CNTN4: variants seen among roughly 807,000 people sequenced by gnomAD.
CNTN4 encodes contactin 4.
CNTN4 carries 77 observed loss-of-function variants against 122.5 expected under a neutral mutation model. That is an observed-to-expected ratio of 0.63 (90% CI 0.52 to 0.76). CNTN4 has a LOEUF of 0.76. Among genes scored for constraint, CNTN4 ranks in the 30% least tolerant of loss-of-function variants. The pLI, the probability that CNTN4 is intolerant of heterozygous loss-of-function variation, is 0.00. For synonymous variants in CNTN4, 512 were observed against 447.0 expected, an observed-to-expected ratio of 1.15 and a Z score of -1.83; for missense variants, 1,256 against 1,259.1, an observed-to-expected ratio of 1.00 and a Z score of 0.04.
chr3:2,146,794 T>C (rs2035265155), intron 2 of CNTN4, among the ~76,000 whole-genome samples: 1 of 152,318 alleles, frequency 6.6e-6, no homozygotes, highest in Middle Eastern at 3.4e-3. Context: ...TCAGGGGAGT[T>C]GTAAAGCCTG....
At chr3:2,731,851 G>A (rs1331598922) in intron 4 of CNTN4, among the ~76,000 whole-genome samples, 4 of 152,176 alleles carry the variant, frequency 2.6e-5, no homozygotes, top group Non-Finnish European at 5.9e-5. Flanking sequence ...ATAACTATAG[G>A]TCAGTGGACT....
At chr3:2,303,943 G>T (rs1056504419) in intron 2 of CNTN4, among the ~76,000 whole-genome samples, 1 of 152,046 alleles carries the variant, frequency 6.6e-6, no homozygotes. Flanking sequence ...TGTCACAATA[G>T]ATTATCACCT....
rs372181330 is a variant in CNTN4 at position 2,466,408 on chromosome 3, G to T, written c.-88-105008G>T. Among the ~76,000 whole-genome samples the T allele has an allele frequency of 1.8e-4, 28 of 152,332 alleles. No individual in the cohort carries two copies. In the South Asian group the frequency reaches 5.2e-3, roughly 28 times the overall value. ...TCTTTCACCAACATCTACAGGAGTT[G>T]TGTAGAATAATAAGATTAGAACCCT... On this transcript the variant is annotated intron_variant, in intron 3 of 24. Transcript: ENST00000418658.
intron 2 of CNTN4, among the ~76,000 whole-genome samples, chr3:2,261,180 G>A (rs1165990694): frequency 6.6e-6 from 1 of 151,826 alleles, no homozygotes; most frequent in Non-Finnish European, 1.5e-5. Context: ...GTAGTTTATT[G>A]CATACTATTC....
At chr3:2,682,958 T>G (rs2085240835) in intron 4 of CNTN4, among the ~76,000 whole-genome samples, 1 of 152,070 alleles carries the variant, frequency 6.6e-6, no homozygotes, top group South Asian at 2.1e-4. Flanking sequence ...ACTCTGAAAC[T>G]GAAGGAGAGA....
At chr3:2,914,493 A>T (rs2094334044) in intron 12 of CNTN4, among the ~76,000 whole-genome samples, 1 of 152,204 alleles carries the variant, frequency 6.6e-6, no homozygotes, top group African/African-American at 2.4e-5. Flanking sequence ...AAGAGTATAA[A>T]GACCACTATA....
At chr3:2,137,462 TA>T (rs1268237725) in intron 2 of CNTN4, among the ~76,000 whole-genome samples, 1 of 152,192 alleles carries the variant, frequency 6.6e-6, no homozygotes, top group African/African-American at 2.4e-5. Context: ...ATGTCTTGTC[TA>T]TATTTTCATT....
At chr3:2,124,433 A>AACACAC (rs60760373) in intron 2 of CNTN4, among the ~76,000 whole-genome samples, 11,039 of 123,758 alleles carry the variant, frequency 0.089, 479 homozygotes, top group Non-Finnish European at 0.11. Context: ...ATTTATTTAA[A>AACACAC]ACACACACAC....
In CNTN4 at chr3:2,228,318, A is replaced by C. The variant is rs571611323; in HGVS notation, c.-144-110860A>C. 1.7e-4 allele frequency among the ~76,000 whole-genome samples: 26 copies of C among 152,226 alleles called. No individual in the cohort carries two copies. The South Asian group carries it at 4.6e-3, about 27-fold the overall frequency. On this transcript the variant is annotated intron_variant, in intron 2 of 24. Coordinates refer to ENST00000418658, the MANE Select transcript of CNTN4 (RefSeq NM_175607.3). The stretch of plus-strand genomic sequence containing the variant: ...AAAATCAAAATAATAATAATATTTC[A>C]TTCACAATAAAATTATATAGCATTT...
chr3:2,815,452 A>G (rs997865304), intron 6 of CNTN4, among the ~76,000 whole-genome samples: 2 of 152,208 alleles, frequency 1.3e-5, no homozygotes, highest in Non-Finnish European at 2.9e-5. Context: ...GACAGTTCTC[A>G]AAAGAGGATA....
chr3:2,689,563 C>T (rs2085616496), intron 4 of CNTN4, among the ~76,000 whole-genome samples: 1 of 152,104 alleles, frequency 6.6e-6, no homozygotes, highest in African/African-American at 2.4e-5. Flanking sequence ...GACCTTTTAC[C>T]ATTCCTTACA....
At chr3:2,606,274 C>T (rs1029058510) in intron 4 of CNTN4, among the ~76,000 whole-genome samples, 2 of 151,972 alleles carry the variant, frequency 1.3e-5, no homozygotes, top group African/African-American at 4.8e-5. Context: ...AAACGGAGAA[C>T]AATATAACCT....
chr3:2,230,918 G>A (rs530955631), intron 2 of CNTN4, among the ~76,000 whole-genome samples: 19 of 152,162 alleles, frequency 1.2e-4, no homozygotes, highest in African/African-American at 4.6e-4. Flanking sequence ...AGCCCAGGGG[G>A]TTGAGGCTGC....
chr3:2,371,063 G>C (rs1009976084), intron 3 of CNTN4, among the ~76,000 whole-genome samples: 2 of 152,188 alleles, frequency 1.3e-5, no homozygotes, highest in African/African-American at 4.8e-5. Context: ...GCTATAATTT[G>C]AGATGGAAGT....
rs148562365 is a variant in CNTN4 at position 3,024,574 on chromosome 3, T to G, written c.1487-1528T>G. On this transcript the variant is annotated intron_variant, in intron 14 of 24. Transcript: ENST00000418658. ...TCTCATTTCATGGACATCACTCATT[T>G]AACAGTGACTAAAAGCACATTAATC... is the stretch of plus-strand genomic sequence containing the variant. 9.9e-5 allele frequency among the ~76,000 whole-genome samples: 15 copies of G among 152,204 alleles called. No homozygotes were observed. The East Asian group carries it at 2.9e-3, about 29-fold the overall frequency.
At chr3:2,377,956 A>C (rs995209805) in intron 3 of CNTN4, among the ~76,000 whole-genome samples, 2 of 152,216 alleles carry the variant, frequency 1.3e-5, no homozygotes, top group Non-Finnish European at 2.9e-5. Flanking sequence ...AGAGTGGATT[A>C]AAAGAAAGAC....
At chr3:2,746,358 A>G (rs529458562) in intron 6 of CNTN4, among the ~76,000 whole-genome samples, 1 of 152,200 alleles carries the variant, frequency 6.6e-6, no homozygotes, top group Non-Finnish European at 1.5e-5. Context: ...GTTTAAAAAA[A>G]CAAATAACCG....
chr3:3,017,638 T>C (rs1220792511), intron 14 of CNTN4, among the ~76,000 whole-genome samples: 2 of 152,168 alleles, frequency 1.3e-5, no homozygotes, highest in Admixed American at 6.5e-5. Context: ...GTCAGACCTG[T>C]ACAGTATTGG....
intron 2 of CNTN4, among the ~76,000 whole-genome samples, chr3:2,108,042 T>C (rs112176958): frequency 7.2e-5 from 11 of 152,320 alleles, no homozygotes; most frequent in African/African-American, 2.6e-4. Context: ...CAAGATTGCC[T>C]GTGGTCCCTC....
Sources: allele counts gnomAD v4.1 joint callset (sites outside exome capture counted in the v4.1 genomes callset), GRCh38; gene constraint gnomAD v4.1.1; transcripts MANE v1.5; gene names NCBI Gene and HGNC (gene_info 2026-07-23, HGNC 2026-07-21).